Variants in TBC1D4 observed in about 807,000 individuals in gnomAD.
TBC1D4 encodes the protein TBC (Tre-2, BUB2, CDC16) domain-containing protein.
In TBC1D4, 121 loss-of-function variants were observed where a neutral mutation model predicts 142.5. The observed-to-expected ratio is 0.85, with a 90% CI of 0.73 to 0.99. The LOEUF (loss-of-function observed/expected upper bound fraction) is 0.99. Among genes scored for constraint, TBC1D4 ranks in the 50% least tolerant of loss-of-function variants. The pLI is 0.00. For missense variants in TBC1D4, 1,475 were observed against 1,606.6 expected (o/e 0.92, Z 1.40); for synonymous variants, 630 against 628.2 (o/e 1.00, Z -0.04).
rs1045324424 is a variant in TBC1D4, at chr13:75,330,313, A to G, written c.1732-2487T>C. ...GACTGTGTTTTATTTATGACATCCT[A>G]TCTTGTTTCGTAAAGCAATATTTAT... On this transcript the variant is annotated intron_variant, in intron 8 of 20. Coordinates refer to ENST00000377636, the MANE Select transcript of TBC1D4 (RefSeq NM_014832.5). 4.5e-4 allele frequency among the ~76,000 whole-genome samples: 69 copies of G among 152,204 alleles called. 1 individual carries two copies. The highest frequency in any genetic ancestry group is 1.4e-3 in the Admixed American group (22 of 15,284).
intron 1 of TBC1D4, among the ~76,000 whole-genome samples, chr13:75,456,475 T>TTTTTTTTTTTTTTTTTTTTTTGAGACGG (rs1274719379): frequency 6.6e-6 from 1 of 152,130 alleles, no homozygotes; most frequent in Non-Finnish European, 1.5e-5. Context: ...ACAATTTTTT[T>TTTTTTTTTTTTTTTTTTTTTTGAGACGG]AATGGGCAAA....
Position 75,287,001 on chromosome 13 carries a change from A to G in TBC1D4, c.3688T>C (p.Leu1230=). The G allele has an allele frequency of 6.2e-7, 1 of 1,613,118 alleles. No homozygotes were observed. The highest frequency in any genetic ancestry group is 1.1e-5 in the South Asian group (1 of 91,072). The change falls in exon 21 of 21, where the codon TTG becomes CTG. Residue 1230 remains leucine (L), a synonymous_variant. Transcript: ENST00000377636. ...AAAAGATTTTCCAGGTTTGATTCCA[A>G]GGCCTGGATTTTAGTATGAGCTACC... ...LQVAHTKIQA[L]ESNLENLLTR...
rs113474513 is a variant in TBC1D4, at chr13:75,480,645, C to A, written c.498+625G>T. ...AAACCGCAAAAAAAGGGCTTCTTTC[C>A]ATTCAATATCCAAATGTAGAATCCT... On this transcript the variant is annotated intron_variant, in intron 1 of 20. Coordinates refer to ENST00000377636, the MANE Select transcript of TBC1D4 (RefSeq NM_014832.5). Among the ~76,000 whole-genome samples, 616 of 152,306 alleles carry A rather than the reference C, an allele frequency of 4.0e-3. 4 individuals carry two copies. Among genetic ancestry groups the A allele is most frequent in the African/African-American group, 0.014 (590 of 41,550 alleles).
At chr13:75,337,570 T>C (rs146000370) in intron 7 of TBC1D4, among the ~76,000 whole-genome samples, 14 of 152,344 alleles carry the variant, frequency 9.2e-5, no homozygotes, top group Non-Finnish European at 1.0e-4. Flanking sequence ...ATGTGTCCAC[T>C]ATATTAGGTT....
At chr13:75,342,230 T>C (rs1220014201) in intron 5 of TBC1D4, among the ~76,000 whole-genome samples, 1 of 151,592 alleles carries the variant, frequency 6.6e-6, no homozygotes, top group East Asian at 1.9e-4. Context: ...TAACAATGAA[T>C]TTCTAAGCGA....
At chr13:75,329,882 T>C (rs1408586372) in intron 8 of TBC1D4, among the ~76,000 whole-genome samples, 1 of 152,198 alleles carries the variant, frequency 6.6e-6, no homozygotes, top group Non-Finnish European at 1.5e-5. Context: ...TTCTAGAGCC[T>C]GTGTGTCTGA....
intron 1 of TBC1D4, among the ~76,000 whole-genome samples, chr13:75,405,222 A>C (rs1210344418): frequency 1.3e-5 from 2 of 151,848 alleles, no homozygotes; most frequent in Non-Finnish European, 2.9e-5. Flanking sequence ...TTCATACATC[A>C]CAACAAATTA....
At chr13:75,355,884 GT>G (rs1490412688) in intron 4 of TBC1D4, among the ~76,000 whole-genome samples, 1 of 152,138 alleles carries the variant, frequency 6.6e-6, no homozygotes, top group Non-Finnish European at 1.5e-5. Flanking sequence ...CCTATTATTA[GT>G]CTTTTCCTGC....
intron 19 of TBC1D4, among the ~76,000 whole-genome samples, chr13:75,289,521 T>C (rs1241156909): frequency 1.3e-5 from 2 of 152,138 alleles, no homozygotes; most frequent in Non-Finnish European, 2.9e-5. Context: ...ATGTTAGAGA[T>C]AATCTCTGCT....
chr13:75,327,182 T>C (rs1293191250), intron 9 of TBC1D4, among the ~76,000 whole-genome samples: 1 of 152,042 alleles, frequency 6.6e-6, no homozygotes, highest in East Asian at 1.9e-4. Flanking sequence ...TAAACATGGG[T>C]TAGTGATAAT....
intron 1 of TBC1D4, among the ~76,000 whole-genome samples, chr13:75,409,516 C>G (rs1252895800): frequency 6.6e-6 from 1 of 152,172 alleles, no homozygotes; most frequent in Admixed American, 6.5e-5. Context: ...AAGGTTCCCC[C>G]CCTCTTCAAA....
In TBC1D4 at chr13:75,356,256, A is replaced by G; in HGVS notation, c.1171-5T>C. 1.3e-6 allele frequency: 2 copies of G among 1,597,502 alleles called. No individual in the cohort carries two copies. The highest frequency in any genetic ancestry group is 8.6e-7 in the Non-Finnish European group (1 of 1,165,030). On this transcript the variant is annotated splice_region_variant and splice_polypyrimidine_tract_variant and intron_variant, in intron 3 of 20. Coordinates refer to ENST00000377636, the MANE Select transcript of TBC1D4 (RefSeq NM_014832.5). ...GTGATCCACATGCTTTATACCCTAG[A>G]TGGAGGGGAAGAAGTGCAATAAAAA...
Position 75,341,083 on chromosome 13 carries a change from A to G in TBC1D4, c.1611+42T>C, listed in dbSNP as rs756271610. The G allele has an allele frequency of 5.1e-6, 8 of 1,575,822 alleles. No homozygotes were observed. In the Admixed American group the frequency reaches 1.3e-4, roughly 26 times the overall value. ...AAAGGGAAGAATTAACAAAATTATT[A>G]AACAACAACAAAAGTAGGTGAAGTA... On this transcript the variant is annotated intron_variant, in intron 7 of 20. Coordinates refer to ENST00000377636, the MANE Select transcript of TBC1D4 (RefSeq NM_014832.5).
In TBC1D4 at chr13:75,349,037, T is replaced by G. The variant is rs187566866; in HGVS notation, c.1408+133A>C. On this transcript the variant is annotated intron_variant, in intron 5 of 20. Coordinates refer to ENST00000377636, the MANE Select transcript of TBC1D4 (RefSeq NM_014832.5). ...GATTGACAGCCCACTCACATTTGAG[T>G]GGACATGAGAAATGATTCTTTGGGT... The G allele has an allele frequency of 2.9e-5, 39 of 1,362,644 alleles. No individual in the cohort carries two copies. The Admixed American group carries it at 5.9e-4, about 20-fold the overall frequency. The allele number at this position is 1,362,644 out of a possible 1,614,324, so 84.4% of individuals were successfully genotyped here.
rs1593854035 is a variant in TBC1D4, at chr13:75,287,731, T to C, written c.3664-706A>G. 3.3e-5 allele frequency among the ~76,000 whole-genome samples: 5 copies of C among 152,336 alleles called. 1 individual carries two copies. The South Asian group carries it at 8.3e-4, about 25-fold the overall frequency. ...AGACAAAGCGAAGGAAGTTTAGTGT[T>C]CCCATTCTTGGGAAGCAACTACTTT... On this transcript the variant is annotated intron_variant, in intron 20 of 20. Coordinates refer to ENST00000377636, the MANE Select transcript of TBC1D4 (RefSeq NM_014832.5).
chr13:75,451,224 A>G (rs1421975444), intron 1 of TBC1D4, among the ~76,000 whole-genome samples: 2 of 152,170 alleles, frequency 1.3e-5, no homozygotes, highest in Non-Finnish European at 2.9e-5. Context: ...GATGGAGTGA[A>G]TAGTACCTAC....
chr13:75,435,411 T>C (rs527340236), intron 1 of TBC1D4, among the ~76,000 whole-genome samples: 5 of 150,072 alleles, frequency 3.3e-5, no homozygotes, highest in African/African-American at 1.2e-4. Flanking sequence ...GTAAGAGAAA[T>C]ATATGATTCA....
rs1201654170 is a variant in TBC1D4, at chr13:75,324,331, A to C, written c.2104T>G (p.Ser702Ala). 3 of 1,614,042 alleles carry C rather than the reference A, an allele frequency of 1.9e-6. No individual in the cohort carries two copies. In the South Asian group the frequency reaches 3.3e-5, roughly 18 times the overall value. ...GCAGTGAAGGAAGGGGCAGAGAAGG[A>C]AGTGTGAAGACTTGGAAGACTGGAG... ...SSSSLPSLHT[S>A]FSAPSFTAPS... The change falls in exon 11 of 21, where the codon TCC becomes GCC. Residue 702 changes from serine (S) to alanine (A), a missense_variant. Physicochemically the swap from Ser to Ala is moderately conservative, Grantham distance 99 (BLOSUM62 1). Transcript: ENST00000377636.
At chr13:75,410,780 C>CA (rs1450587475) in intron 1 of TBC1D4, among the ~76,000 whole-genome samples, 2 of 150,218 alleles carry the variant, frequency 1.3e-5, no homozygotes, top group African/African-American at 2.4e-5. Context: ...ACTAAAAATA[C>CA]AAAAAATTAG....
Sources: gnomAD v4.1 joint callset for allele counts (sites outside exome capture counted in the v4.1 genomes callset) on GRCh38, gnomAD v4.1.1 for gene constraint, MANE v1.5 for transcripts, NCBI Gene and HGNC (gene_info 2026-07-23, HGNC 2026-07-21) for gene names.